Variants in LIPJ observed in about 807,000 individuals in gnomAD.
The protein encoded by LIPJ is lipase member J.
In LIPJ, 33 loss-of-function variants were observed where a neutral mutation model predicts 39.8. The ratio of observed to expected loss-of-function variants is 0.83; its 90% CI spans 0.63 to 1.11. The LOEUF (loss-of-function observed/expected upper bound fraction) is 1.11, where lower values mean the gene tolerates loss of function less well. Among genes scored for constraint, LIPJ ranks in the 50% least tolerant of loss-of-function variants. The pLI, the probability that LIPJ is intolerant of heterozygous loss-of-function variation, is 0.00. For synonymous variants in LIPJ, 128 were observed against 139.2 expected (o/e 0.92, Z 0.57); for missense variants, 422 against 427.9 (o/e 0.99, Z 0.12).
At chr10:88,607,071 A>C (rs184255542), downstream of LIPJ, 2,452 of 607,506 alleles carry the variant, frequency 4.0e-3, 8 homozygotes, top group Non-Finnish European at 5.2e-3. Flanking sequence ...AATCAGTGTC[A>C]TTCATCATCT....
At chr10:88,606,882 T>C (rs1276096618) in exon 11 of LIPJ, 4 of 1,582,408 alleles carry the variant, frequency 2.5e-6, no homozygotes, top group Non-Finnish European at 3.4e-6. Flanking sequence ...CATGAAATCA[T>C]TGATATTATC....
downstream of LIPJ, chr10:88,607,023 C>A: frequency 8.5e-7 from 1 of 1,178,674 alleles, no homozygotes; most frequent in Non-Finnish European, 1.1e-6. Context: ...TAGTTTTTTC[C>A]TCTATATTCT....
chr10:88,592,103 T>C (rs1389344646), intron 4 of LIPJ: 2 of 151,942 alleles, frequency 1.3e-5, no homozygotes, highest in African/African-American at 4.8e-5. Context: ...CTTTTCTTCC[T>C]GAAAGAATGT....
At chr10:88,598,837 A>G (rs529496728) in intron 8 of LIPJ, among the ~76,000 whole-genome samples, 1 of 151,612 alleles carries the variant, frequency 6.6e-6, no homozygotes, top group African/African-American at 2.4e-5. Flanking sequence ...CTTATTTCAA[A>G]TACAGAGAAG....
chr10:88,613,792 ATATATATATG>A, the LIPJ span, among the ~76,000 whole-genome samples: 68 of 51,490 alleles, frequency 1.3e-3, no homozygotes, highest in African/African-American at 6.8e-3. Context: ...ATATATATAT[ATATATATATG>A]TGTGTGTGTG....
At chr10:88,583,082 C>G, upstream of LIPJ, 1 of 1,612,476 alleles carries the variant, frequency 6.2e-7, no homozygotes, top group Non-Finnish European at 8.5e-7. Context: ...CCTGAGTCCT[C>G]AGCCTTGTCC....
At chr10:88,584,337 T>G (rs1288939758), upstream of LIPJ, 1 of 152,174 alleles carries the variant, frequency 6.6e-6, no homozygotes, top group Non-Finnish European at 1.5e-5. Flanking sequence ...TACATAATCA[T>G]TTACAACTTG....
At chr10:88,583,017 T>G (rs894140465), upstream of LIPJ, 96 of 1,583,012 alleles carry the variant, frequency 6.1e-5, no homozygotes, top group Non-Finnish European at 7.9e-5. Flanking sequence ...CCACACCACC[T>G]CAGCAGCCTG....
intron 4 of LIPJ, chr10:88,593,459 T>C (rs1851149320): frequency 6.6e-6 from 1 of 152,062 alleles, no homozygotes; most frequent in Non-Finnish European, 1.5e-5. Flanking sequence ...CAGGATGTCA[T>C]CTCCCAGCTG....
chr10:88,595,963 T>G (rs1029219814), intron 6 of LIPJ, among the ~76,000 whole-genome samples: 2 of 151,576 alleles, frequency 1.3e-5, no homozygotes, highest in Non-Finnish European at 3.0e-5. Context: ...CATATTTCAT[T>G]TTCACCACTG....
chr10:88,621,796 G>A, the LIPJ span, among the ~76,000 whole-genome samples: 4 of 152,086 alleles, frequency 2.6e-5, no homozygotes, highest in East Asian at 1.9e-4. Flanking sequence ...TCAGTGTTCC[G>A]CTATTTTCTT....
At chr10:88,615,541 T>A in the LIPJ span, among the ~76,000 whole-genome samples, 2 of 139,748 alleles carry the variant, frequency 1.4e-5, no homozygotes, top group Admixed American at 1.6e-4. Context: ...GGCAGGGGAA[T>A]CACTTGAACC....
the LIPJ span, among the ~76,000 whole-genome samples, chr10:88,613,788 A>ATATGTGTGTGTGTGTGTG: frequency 5.9e-5 from 3 of 51,024 alleles, no homozygotes; most frequent in African/African-American, 2.0e-4. Flanking sequence ...ATATATATAT[A>ATATGTGTGTGTGTGTGTG]TATATATATA....
At chr10:88,608,104 G>T (rs1020336454), downstream of LIPJ, among the ~76,000 whole-genome samples, 1 of 152,136 alleles carries the variant, frequency 6.6e-6, no homozygotes, top group African/African-American at 2.4e-5. Context: ...AGCCTAACCT[G>T]CAGGGTTTTA....
upstream of LIPJ, chr10:88,584,591 T>C (rs1472942658): frequency 6.6e-6 from 1 of 152,148 alleles, no homozygotes; most frequent in Non-Finnish European, 1.5e-5. Flanking sequence ...TATTTTTCAT[T>C]TGTTGAGTTT....
At chr10:88,600,902 A>G (rs1283569577) in intron 8 of LIPJ, among the ~76,000 whole-genome samples, 3 of 152,190 alleles carry the variant, frequency 2.0e-5, no homozygotes, top group African/African-American at 7.2e-5. Flanking sequence ...AGAAGCAACA[A>G]TGAAGCAAAA....
the LIPJ span, among the ~76,000 whole-genome samples, chr10:88,623,088 A>T: frequency 6.6e-6 from 1 of 152,194 alleles, no homozygotes; most frequent in Non-Finnish European, 1.5e-5. Context: ...GTGGCTCTTC[A>T]GCAAATCCTG....
chr10:88,588,641 T>G (rs2134538035), intron 2 of LIPJ, among the ~76,000 whole-genome samples: 1 of 152,056 alleles, frequency 6.6e-6, no homozygotes, highest in South Asian at 2.1e-4. Flanking sequence ...GTATTGCTTT[T>G]GTTTCAAGAC....
chr10:88,591,754 A>G (rs1288287880), intron 4 of LIPJ: 3 of 219,456 alleles, frequency 1.4e-5, no homozygotes. Flanking sequence ...TTACATGTTG[A>G]TTCTCTAGAA....
Sources: gnomAD v4.1 joint callset for allele counts (sites outside exome capture counted in the v4.1 genomes callset) on GRCh38, gnomAD v4.1.1 for gene constraint, MANE v1.5 for transcripts, NCBI Gene and HGNC (gene_info 2026-07-23, HGNC 2026-07-21) for gene names.